The following ABCA8 variants were observed in gnomAD, a reference collection of about 807,000 sequenced individuals.
ABCA8 encodes the protein ATP binding cassette subfamily A member 8.
A neutral mutation model predicts 192.3 loss-of-function variants in ABCA8; 177 were observed. That is an observed-to-expected ratio of 0.92 (90% CI 0.81 to 1.04). The LOEUF (loss-of-function observed/expected upper bound fraction) is 1.04, where lower values mean the gene tolerates loss of function less well. Ranked by LOEUF, ABCA8 falls within the 50% of genes least tolerant of loss-of-function variation. The probability of loss-of-function intolerance (pLI) is 0.00; values close to 1 mark genes in which losing one functional copy is unlikely to be tolerated. For synonymous variants in ABCA8, 642 were observed against 690.2 expected (o/e 0.93, Z 1.09); for missense variants, 1,915 against 1,904.8 (o/e 1.01, Z -0.10).
At chr17:68,924,573 A>G in intron 11 of ABCA8, 128 bp downstream of exon 11, 1 of 980,366 alleles carries the variant, frequency 1.0e-6, no homozygotes, top group South Asian at 2.0e-5. Flanking sequence ...ATGGAAAGTG[A>G]CAGAAGCAGC....
intron 32 of ABCA8, chr17:68,880,817 G>A (rs1225767487): frequency 7.7e-6 from 3 of 389,670 alleles, no homozygotes; most frequent in Non-Finnish European, 1.4e-5. Flanking sequence ...CATGAACAGA[G>A]TGCAGCCTGC....
chr17:68,904,330 TAA>T (rs1223486053), intron 19 of ABCA8, among the ~76,000 whole-genome samples: 7 of 98,916 alleles, frequency 7.1e-5, no homozygotes, highest in Non-Finnish European at 1.5e-4. Flanking sequence ...ATAATAATAA[TAA>T]TAATAATAAT....
chr17:68,917,045 G>A (rs1231239075), intron 17 of ABCA8, among the ~76,000 whole-genome samples: 5 of 152,040 alleles, frequency 3.3e-5, no homozygotes, highest in African/African-American at 1.2e-4. Flanking sequence ...CGAGGCGGGC[G>A]GATCACGAGG....
Position 68,911,056 on chromosome 17 carries a change from G to C in ABCA8, c.2139-3177C>G, listed in dbSNP as rs566384590. ...GGAGAGACTTTCTGCCTGAGGAAAAGAGAGGGAAGAGTAAAGGGGACTTTG... is the reference window on the plus strand; with the variant it reads ...GGAGAGACTTTCTGCCTGAGGAAAACAGAGGGAAGAGTAAAGGGGACTTTG... On this transcript the variant is annotated intron_variant, in intron 17 of 39. Transcript: ENST00000586539. This position sits in a 1 kb window ranked among gnomAD's most constrained non-coding sequence, Gnocchi z 5.7. 3.1e-4 allele frequency among the ~76,000 whole-genome samples: 47 copies of C among 152,306 alleles called. No individual in the cohort carries two copies. Among genetic ancestry groups the C allele is most frequent in the African/African-American group, 1.0e-3 (43 of 41,570 alleles).
chr17:68,879,329 C>T (rs1018481190), intron 32 of ABCA8: 5 of 152,212 alleles, frequency 3.3e-5, no homozygotes, highest in Admixed American at 6.5e-5. Context: ...AGACAATGCT[C>T]ACTGAAAGTG....
Position 68,891,573 on chromosome 17 carries a change from T to G in ABCA8, c.3060A>C (p.Gly1020=). The change falls in exon 24 of 40, where the codon GGA becomes GGC. Residue 1020 remains glycine (G), a synonymous_variant. Transcript: ENST00000586539. ...FLENGQDNPI[G]FLAYIMFWLV... Reference sequence around the variant, plus strand: ...GCCAGAACATGATATATGCCAGGAATCCGATTGGATTGTCCTGTCCATTCT... The same window carrying G: ...GCCAGAACATGATATATGCCAGGAAGCCGATTGGATTGTCCTGTCCATTCT... 2 of 1,612,716 alleles carry G rather than the reference T, an allele frequency of 1.2e-6. No homozygotes were observed. Among genetic ancestry groups the G allele is most frequent in the Non-Finnish European group, 1.7e-6 (2 of 1,179,584 alleles).
At chr17:68,921,139 G>C (rs1272607043) in intron 13 of ABCA8, among the ~76,000 whole-genome samples, 1 of 151,696 alleles carries the variant, frequency 6.6e-6, no homozygotes, top group Non-Finnish European at 1.5e-5. Context: ...TCATAGGTGG[G>C]AATTGAACAA....
chr17:68,914,757 A>G (rs902311797), intron 17 of ABCA8, among the ~76,000 whole-genome samples: 1 of 152,312 alleles, frequency 6.6e-6, no homozygotes, highest in African/African-American at 2.4e-5. Flanking sequence ...CTATCAAAAT[A>G]CCAATGACAT....
intron 24 of ABCA8, among the ~76,000 whole-genome samples, 200 bp downstream of exon 24, chr17:68,891,289 T>C (rs9892535): frequency 6.6e-6 from 1 of 152,192 alleles, no homozygotes; most frequent in Non-Finnish European, 1.5e-5. Context: ...AATATCCAGA[T>C]AAAGTTCAGA....
At chr17:68,901,359 A>C (rs75657478) in intron 21 of ABCA8, among the ~76,000 whole-genome samples, 1,583 of 152,358 alleles carry the variant, frequency 0.01, 16 homozygotes, top group Non-Finnish European at 0.017. Context: ...ACAATTGACG[A>C]GTTATCACAC....
intron 38 of ABCA8, among the ~76,000 whole-genome samples, chr17:68,868,627 C>T (rs970512646): frequency 6.6e-6 from 1 of 152,082 alleles, no homozygotes; most frequent in Non-Finnish European, 1.5e-5. Flanking sequence ...TTCTTTCTTG[C>T]CTGTGGGCCA....
chr17:68,880,303 C>T (rs948706646), intron 32 of ABCA8: 5 of 152,216 alleles, frequency 3.3e-5, no homozygotes, highest in African/African-American at 1.2e-4. Context: ...AGGAGACCCA[C>T]TTTGGGTCTC....
chr17:68,935,549 T>TATATATATATATATATAC, intron 5 of ABCA8, among the ~76,000 whole-genome samples: 1 of 140,212 alleles, frequency 7.1e-6, no homozygotes, highest in African/African-American at 2.6e-5. Context: ...CCTATATATA[T>TATATATATATATATATAC]ATATATATAT....
rs60316837 is a variant in ABCA8 at position 68,906,114 on chromosome 17, A to G, written c.2328T>C (p.Tyr776=). Residue 776 remains tyrosine (Y), a synonymous_variant, in exon 19 of 40, where the codon TAT becomes TAC. Coordinates refer to ENST00000586539, the MANE Select transcript of ABCA8 (RefSeq NM_001288985.2). ...CATTCAAAGTTGTCATGGAAACACC[A>G]TAATTCTCAATTCCTAGGTCAGGAT... ...DSYPDLGIEN[Y]GVSMTTLNEV... is the part of the protein sequence containing the mutation. 1.3e-3 allele frequency: 2,051 copies of G among 1,602,132 alleles called. 28 individuals are homozygous for G. In the African/African-American group the frequency reaches 0.024, roughly 19 times the overall value.
At chr17:68,868,448 A>G in intron 38 of ABCA8, 92 bp from the exon 39 acceptor site, 2 of 1,107,598 alleles carry the variant, frequency 1.8e-6, no homozygotes, top group Non-Finnish European at 2.7e-6. Flanking sequence ...TTTTTTAAAA[A>G]TCTTAAATAG....
At chr17:68,908,538 T>A (rs906583563) in intron 17 of ABCA8, among the ~76,000 whole-genome samples, 2 of 152,152 alleles carry the variant, frequency 1.3e-5, no homozygotes, top group Non-Finnish European at 2.9e-5. Context: ...TCAATAGTAG[T>A]AAGTGCTATG....
chr17:68,947,385 C>A (rs2068439752), intron 2 of ABCA8, among the ~76,000 whole-genome samples: 1 of 152,162 alleles, frequency 6.6e-6, no homozygotes, highest in Admixed American at 6.5e-5. Flanking sequence ...TGTGTATAAT[C>A]ATAAGTTACA....
chr17:68,932,580 A>C, intron 6 of ABCA8, 66 bp from the exon 7 acceptor site: 3 of 1,193,192 alleles, frequency 2.5e-6, no homozygotes, highest in Non-Finnish European at 3.7e-6. Context: ...TCTTTTAACC[A>C]TCTATTTTCT....
chr17:68,900,733 A>C (rs2066885592), intron 21 of ABCA8, among the ~76,000 whole-genome samples: 1 of 152,146 alleles, frequency 6.6e-6, no homozygotes, highest in African/African-American at 2.4e-5. Flanking sequence ...AGGATTATAC[A>C]CCATGACCAA....
Sources: allele counts gnomAD v4.1 joint callset (sites outside exome capture counted in the v4.1 genomes callset), GRCh38; gene constraint gnomAD v4.1.1; non-coding constraint Gnocchi (gnomAD v3.1); transcripts MANE v1.5; gene names NCBI Gene and HGNC (gene_info 2026-07-23, HGNC 2026-07-21).